MAF: variants seen among roughly 807,000 people sequenced by gnomAD.
MAF encodes MAF bZIP transcription factor, also known as transcription factor Maf.
MAF carries 10 observed loss-of-function variants against 22.0 expected under a neutral mutation model. The observed-to-expected ratio is 0.45, with a 90% CI of 0.28 to 0.77. The LOEUF (loss-of-function observed/expected upper bound fraction) is 0.77, where lower values mean the gene tolerates loss of function less well. Ranked by LOEUF, MAF falls within the 30% of genes least tolerant of loss-of-function variation. The pLI, the probability that MAF is intolerant of heterozygous loss-of-function variation, is 0.12. For synonymous variants in MAF, 337 were observed against 255.8 expected, an observed-to-expected ratio of 1.32 and a Z score of -3.03; for missense variants, 544 against 548.4, an observed-to-expected ratio of 0.99 and a Z score of 0.08.
At chr16:79,302,066 T>TCCAGTGC in the MAF span, among the ~76,000 whole-genome samples, 30 of 152,314 alleles carry the variant, frequency 2.0e-4, no homozygotes, top group South Asian at 1.5e-3. Flanking sequence ...AGGGCCTGAC[T>TCCAGTGC]CTCACCTGCA....
At chr16:79,216,847 T>C in the MAF span, among the ~76,000 whole-genome samples, 1 of 151,560 alleles carries the variant, frequency 6.6e-6, no homozygotes, top group Non-Finnish European at 1.5e-5. Flanking sequence ...TCTCGCTCTG[T>C]CACCCAGGCT....
chr16:79,251,296 A>G, the MAF span, among the ~76,000 whole-genome samples: 1 of 142,952 alleles, frequency 7.0e-6, no homozygotes, highest in African/African-American at 2.6e-5. Context: ...TATGGTTATT[A>G]TTTCTTTTTA....
At chr16:79,518,319 C>T in the MAF span, among the ~76,000 whole-genome samples, 28 of 152,164 alleles carry the variant, frequency 1.8e-4, no homozygotes, top group African/African-American at 5.8e-4. Context: ...CGATGGCTTG[C>T]CTGGGAATTT....
At chr16:79,332,252 A>AACTGCT in the MAF span, among the ~76,000 whole-genome samples, 1 of 152,202 alleles carries the variant, frequency 6.6e-6, no homozygotes, top group African/African-American at 2.4e-5. Flanking sequence ...ATTTAATCCT[A>AACTGCT]ACTGCTACTG....
chr16:79,429,115 A>G, the MAF span, among the ~76,000 whole-genome samples: 1 of 152,186 alleles, frequency 6.6e-6, no homozygotes, highest in Admixed American at 6.5e-5. Flanking sequence ...AGGAACCTTT[A>G]TAAGCTTTGT....
the MAF span, among the ~76,000 whole-genome samples, chr16:79,450,336 A>G: frequency 6.6e-6 from 1 of 152,226 alleles, no homozygotes; most frequent in African/African-American, 2.4e-5. Flanking sequence ...AACTTGCATC[A>G]ACAGACTACC....
At chr16:79,222,009 A>G in the MAF span, among the ~76,000 whole-genome samples, 1 of 152,160 alleles carries the variant, frequency 6.6e-6, no homozygotes, top group Non-Finnish European at 1.5e-5. Context: ...TATCATGAGA[A>G]ACCGGAGATC....
At chr16:79,218,772 T>C in the MAF span, among the ~76,000 whole-genome samples, 2 of 152,190 alleles carry the variant, frequency 1.3e-5, no homozygotes, top group African/African-American at 4.8e-5. Flanking sequence ...CTACATTCAG[T>C]TTGGGCAGAA....
the MAF span, among the ~76,000 whole-genome samples, chr16:79,413,554 G>C: frequency 1.3e-5 from 2 of 151,926 alleles, no homozygotes; most frequent in African/African-American, 4.8e-5. Flanking sequence ...TTTTGATCCA[G>C]TTACTTTACC....
the MAF span, among the ~76,000 whole-genome samples, chr16:79,438,455 C>T: frequency 6.6e-6 from 1 of 152,170 alleles, no homozygotes; most frequent in African/African-American, 2.4e-5. Flanking sequence ...AAGGAGATAA[C>T]AGCCTGGAGG....
At chr16:79,502,207 G>A in the MAF span, among the ~76,000 whole-genome samples, 1 of 152,102 alleles carries the variant, frequency 6.6e-6, no homozygotes, top group Non-Finnish European at 1.5e-5. Context: ...CCTGAGGCCC[G>A]GCTACTTCCA....
At chr16:79,297,128 G>A in the MAF span, among the ~76,000 whole-genome samples, 1 of 152,140 alleles carries the variant, frequency 6.6e-6, no homozygotes, top group Non-Finnish European at 1.5e-5. Context: ...GATGCAGTCT[G>A]GATGATGTTA....
the MAF span, among the ~76,000 whole-genome samples, chr16:79,539,569 C>T: frequency 2.6e-5 from 4 of 151,998 alleles, no homozygotes; most frequent in South Asian, 2.1e-4. Flanking sequence ...AACAATTTTT[C>T]GTGAACATTT....
chr16:79,438,180 G>T, the MAF span, among the ~76,000 whole-genome samples: 1 of 152,090 alleles, frequency 6.6e-6, no homozygotes, highest in Non-Finnish European at 1.5e-5. Context: ...GGCCCTTTGT[G>T]GGGGGTTCCC....
At chr16:79,361,700 T>C in the MAF span, among the ~76,000 whole-genome samples, 1 of 144,530 alleles carries the variant, frequency 6.9e-6, no homozygotes, top group African/African-American at 2.5e-5. Context: ...CTTTTGGTTG[T>C]TTTATATACA....
chr16:79,233,902 G>A, the MAF span, among the ~76,000 whole-genome samples: 1 of 150,802 alleles, frequency 6.6e-6, no homozygotes, highest in East Asian at 1.9e-4. Flanking sequence ...TGAGGCAGAA[G>A]AATCCCTTGA....
At chr16:79,231,167 G>A in the MAF span, among the ~76,000 whole-genome samples, 82 of 152,090 alleles carry the variant, frequency 5.4e-4, no homozygotes, top group African/African-American at 1.9e-3. Flanking sequence ...TGTGAAATCT[G>A]GGGACCAGGA....
At chr16:79,316,721 A>G in the MAF span, among the ~76,000 whole-genome samples, 1 of 152,088 alleles carries the variant, frequency 6.6e-6, no homozygotes, top group Non-Finnish European at 1.5e-5. Context: ...CTTATAGAAT[A>G]TTCAGTTGGC....
At chr16:79,564,589 G>A in the MAF span, among the ~76,000 whole-genome samples, 18 of 152,308 alleles carry the variant, frequency 1.2e-4, no homozygotes, top group South Asian at 2.5e-3. Context: ...GCCTTCTTTT[G>A]TCCATGTGAC....
Sources: allele counts gnomAD v4.1 joint callset (sites outside exome capture counted in the v4.1 genomes callset), GRCh38; gene constraint gnomAD v4.1.1; transcripts MANE v1.5; gene names NCBI Gene and HGNC (gene_info 2026-07-23, HGNC 2026-07-21).